ESRRG: variants seen among roughly 807,000 people sequenced by gnomAD.
ESRRG encodes estrogen related receptor gamma, also known as estrogen-related receptor gamma.
A neutral mutation model predicts 44.0 loss-of-function variants in ESRRG; 13 were observed. The ratio of observed to expected loss-of-function variants is 0.30; its 90% confidence interval spans 0.19 to 0.47. ESRRG has a LOEUF of 0.47. ESRRG is among the 20% of genes least tolerant of loss of function. The pLI, the probability that ESRRG is intolerant of heterozygous loss-of-function variation, is 1.00. For missense variants in ESRRG, 395 were observed against 580.6 expected (o/e 0.68, Z 3.29); for synonymous variants, 215 against 214.6 (o/e 1.00, Z -0.02).
chr1:216,931,931 T>C (rs977700934), intron 2 of ESRRG, among the ~76,000 whole-genome samples: 1 of 151,388 alleles, frequency 6.6e-6, no homozygotes, highest in African/African-American at 2.4e-5. Flanking sequence ...TAAGGCCAGG[T>C]GCGGTGGCTC....
chr1:216,897,187 G>A (rs2058529941), intron 2 of ESRRG, among the ~76,000 whole-genome samples: 1 of 152,080 alleles, frequency 6.6e-6, no homozygotes, highest in Non-Finnish European at 1.5e-5. Flanking sequence ...CAAATGAGAA[G>A]GACCCAGTGG....
chr1:216,768,456 ATC>A (rs2093205318), intron 2 of ESRRG, among the ~76,000 whole-genome samples: 1 of 139,486 alleles, frequency 7.2e-6, no homozygotes. Context: ...ATCATTATCT[ATC>A]TATCTATCTA....
At chr1:216,947,701 A>G (rs891738439) in intron 1 of ESRRG, among the ~76,000 whole-genome samples, 10 of 152,180 alleles carry the variant, frequency 6.6e-5, no homozygotes, top group African/African-American at 2.2e-4. Flanking sequence ...TTCTTAGCAA[A>G]TAAAAAGATC....
intron 5 of ESRRG, among the ~76,000 whole-genome samples, chr1:216,528,949 T>G (rs544515213): frequency 5.3e-5 from 8 of 152,220 alleles, no homozygotes; most frequent in Admixed American, 5.2e-4. Context: ...GCCCTTCCTA[T>G]GATAAAGCAG....
intron 2 of ESRRG, among the ~76,000 whole-genome samples, chr1:216,931,449 T>G (rs192749601): frequency 6.6e-6 from 1 of 152,158 alleles, no homozygotes; most frequent in Non-Finnish European, 1.5e-5. Flanking sequence ...TTCTGGAAAA[T>G]GGACTCTGTC....
At chr1:217,104,275 T>C (rs1410142258) in intron 1 of ESRRG, among the ~76,000 whole-genome samples, 1 of 152,208 alleles carries the variant, frequency 6.6e-6, no homozygotes, top group African/African-American at 2.4e-5. Flanking sequence ...ACAGCGCTGG[T>C]ACCTACTGAG....
At chr1:217,127,216 G>T (rs1263177992) in intron 1 of ESRRG, among the ~76,000 whole-genome samples, 3 of 152,216 alleles carry the variant, frequency 2.0e-5, no homozygotes, top group African/African-American at 7.2e-5. Context: ...ACTTTGCAAA[G>T]CTAAACTTGT....
chr1:216,511,266 A>G (rs2148783514), intron 6 of ESRRG, among the ~76,000 whole-genome samples: 1 of 152,272 alleles, frequency 6.6e-6, no homozygotes, highest in Non-Finnish European at 1.5e-5. Context: ...TCTAAAAGAT[A>G]CTTTGTATCT....
chr1:216,862,773 A>T (rs978647602), intron 2 of ESRRG: 1 of 152,168 alleles, frequency 6.6e-6, no homozygotes, highest in African/African-American at 2.4e-5. Flanking sequence ...GAAAAGGATT[A>T]TAAGGTAGCA....
rs571523803 is a variant in ESRRG, at chr1:216,514,721, T to C, written c.1132+4431A>G. ...CCCACCTTCTGCCTCATAATAGCCA[T>C]GCATGATTATCAGCTTTCTTCGCAT... On this transcript the variant is annotated intron_variant, in intron 6 of 6. Transcript: ENST00000408911. Among the ~76,000 whole-genome samples, 3 of 152,220 alleles carry C rather than the reference T, an allele frequency of 2.0e-5. No homozygotes were observed. In the East Asian group the frequency reaches 5.8e-4, roughly 29 times the overall value.
rs138903518 is a variant in ESRRG at position 217,006,623 on chromosome 1, G to C, written c.-105-66950C>G. On this transcript the variant is annotated intron_variant, in intron 1 of 7. Coordinates refer to the ESRRG transcript ENST00000359162. ...ATTTGCATATACATAGTGAGATATC[G>C]TGAGAATGGGACTCAAGTCTAAACA... is the stretch of plus-strand genomic sequence containing the variant. Among the ~76,000 whole-genome samples, 567 of 152,182 alleles carry C rather than the reference G, an allele frequency of 3.7e-3. 5 individuals carry two copies. Among genetic ancestry groups the C allele is most frequent in the African/African-American group, 0.013 (527 of 41,568 alleles).
At chr1:216,951,208 T>A (rs972069863) in intron 1 of ESRRG, among the ~76,000 whole-genome samples, 1 of 152,192 alleles carries the variant, frequency 6.6e-6, no homozygotes, top group African/African-American at 2.4e-5. Flanking sequence ...TATAGCCCAA[T>A]AAACTATACT....
At chr1:217,051,206 G>GT (rs1553259225) in intron 1 of ESRRG, among the ~76,000 whole-genome samples, 1 of 110,340 alleles carries the variant, frequency 9.1e-6, no homozygotes, top group South Asian at 4.1e-4. Flanking sequence ...AATGGGGGCG[G>GT]GGGGGGGGGG....
rs572562675 is a variant in ESRRG, at chr1:216,673,031, C to A, written c.472+4045G>T. ...ACGGCCTGTCCATTGGGGCTCTAGT[C>A]TAGCAAGGCTTGTTGTCAAGGGGAG... On this transcript the variant is annotated intron_variant, in intron 2 of 6. Coordinates refer to ENST00000408911, the MANE Select transcript of ESRRG (RefSeq NM_001438.4). Among the ~76,000 whole-genome samples the A allele has an allele frequency of 1.2e-4, 19 of 152,234 alleles. No individual in the cohort carries two copies. The South Asian group carries it at 3.7e-3, about 30-fold the overall frequency.
chr1:217,033,296 A>T (rs1246473450), intron 1 of ESRRG, among the ~76,000 whole-genome samples: 1 of 152,324 alleles, frequency 6.6e-6, no homozygotes, highest in South Asian at 2.1e-4. Flanking sequence ...CTAAACTCAC[A>T]AATCTCAGAG....
chr1:217,060,320 G>T (rs1354766018), intron 1 of ESRRG, among the ~76,000 whole-genome samples: 1 of 152,058 alleles, frequency 6.6e-6, no homozygotes, highest in African/African-American at 2.4e-5. Flanking sequence ...GGAAAATAAT[G>T]TTAGCAAATC....
intron 2 of ESRRG, among the ~76,000 whole-genome samples, chr1:216,865,414 A>G (rs2096137611): frequency 6.6e-6 from 1 of 151,506 alleles, no homozygotes; most frequent in Non-Finnish European, 1.5e-5. Context: ...CATCCTTGAC[A>G]ACTGTCCATT....
chr1:216,761,093 GA>G (rs1282393476), intron 2 of ESRRG, among the ~76,000 whole-genome samples: 2 of 149,678 alleles, frequency 1.3e-5, no homozygotes, highest in African/African-American at 2.4e-5. Context: ...GTCTAGGAGA[GA>G]AAAAAAAGGA....
At chr1:216,855,605 G>C (rs1286438079) in intron 2 of ESRRG, among the ~76,000 whole-genome samples, 1 of 152,120 alleles carries the variant, frequency 6.6e-6, no homozygotes, top group Non-Finnish European at 1.5e-5. Flanking sequence ...AGACTGCCAA[G>C]GTCCAACAAG....
Sources: gnomAD v4.1 joint callset for allele counts (sites outside exome capture counted in the v4.1 genomes callset) on GRCh38, gnomAD v4.1.1 for gene constraint, MANE v1.5 for transcripts, NCBI Gene and HGNC (gene_info 2026-07-23, HGNC 2026-07-21) for gene names.